The following DLGAP2 variants were observed in gnomAD, a reference collection of about 807,000 sequenced individuals.
DLGAP2 encodes the protein DLG associated protein 2.
Under a neutral mutation model 100.3 loss-of-function variants are expected in DLGAP2, and 26 were observed. That is an observed-to-expected ratio of 0.26 (90% CI 0.19 to 0.36). The LOEUF is 0.36. DLGAP2 is among the 10% of genes least tolerant of loss of function. The pLI, the probability that DLGAP2 is intolerant of heterozygous loss-of-function variation, is 1.00. For missense variants in DLGAP2, 1,858 were observed against 1,453.2 expected, an observed-to-expected ratio of 1.28 and a Z score of -4.53; for synonymous variants, 886 against 630.1, an observed-to-expected ratio of 1.41 and a Z score of -6.08.
rs57254413 is a variant in DLGAP2 at position 1,090,866 on chromosome 8, C to T, written c.74-167985C>T. The stretch of plus-strand genomic sequence containing the variant: ...TTTTGTCCAAAAGTCTGTTTAGACT[C>T]ACATGAAAATCATTTTCTATAATTT... On this transcript the variant is annotated intron_variant, in intron 2 of 14. Coordinates refer to ENST00000637795, the MANE Select transcript of DLGAP2 (RefSeq NM_001346810.2). 5.3e-4 allele frequency among the ~76,000 whole-genome samples: 81 copies of T among 152,330 alleles called. No homozygotes were observed. The East Asian group carries it at 0.014, about 27-fold the overall frequency.
chr8:1,308,248 T>C (rs1448991909), intron 3 of DLGAP2, among the ~76,000 whole-genome samples: 2 of 152,196 alleles, frequency 1.3e-5, no homozygotes, highest in South Asian at 2.1e-4. Flanking sequence ...TGGCATTTAA[T>C]GAGATATCTG....
rs143742629 is a variant in DLGAP2, at chr8:828,394, A to G, written c.19-79518A>G. 4.7e-3 allele frequency among the ~76,000 whole-genome samples: 718 copies of G among 152,314 alleles called. 26 individuals carry two copies. In the East Asian group the frequency reaches 0.083, roughly 18 times the overall value. Reference sequence around the variant, plus strand: ...TCTCAGGGACCTTCCATGCTGAGAAAAGGAATTCAGCGATATTTCTCCCAT... The same window carrying G: ...TCTCAGGGACCTTCCATGCTGAGAAGAGGAATTCAGCGATATTTCTCCCAT... On this transcript the variant is annotated intron_variant, in intron 1 of 14. Transcript: ENST00000637795.
chr8:1,442,882 G>A (rs1210716083), intron 3 of DLGAP2, among the ~76,000 whole-genome samples: 2 of 152,276 alleles, frequency 1.3e-5, no homozygotes, highest in Non-Finnish European at 2.9e-5. Context: ...TAAACCACAG[G>A]ATCCTGAGTC....
chr8:1,360,052 C>T (rs1801944629), intron 3 of DLGAP2, among the ~76,000 whole-genome samples: 1 of 152,180 alleles, frequency 6.6e-6, no homozygotes, highest in Non-Finnish European at 1.5e-5. Flanking sequence ...CACTTTCCGC[C>T]TCTTCATCCC....
At chr8:840,811 C>T (rs1343730904) in intron 1 of DLGAP2, among the ~76,000 whole-genome samples, 1 of 152,214 alleles carries the variant, frequency 6.6e-6, no homozygotes, top group African/African-American at 2.4e-5. Context: ...TCCCCACACT[C>T]TCGATTCTGT....
chr8:1,366,919 C>A lies in DLGAP2; in HGVS notation c.106+108036C>A, dbSNP rs562774982. Among the ~76,000 whole-genome samples the A allele has an allele frequency of 6.6e-5, 10 of 152,256 alleles. No homozygotes were observed. In the Middle Eastern group the frequency reaches 0.017, roughly 259 times the overall value. On this transcript the variant is annotated intron_variant, in intron 3 of 14. Coordinates refer to ENST00000637795, the MANE Select transcript of DLGAP2 (RefSeq NM_001346810.2). ...CAACACACATGCATGTGACCACAGA[C>A]CCCGGTAAATAACACTGTTAGCATT... is the stretch of plus-strand genomic sequence containing the variant.
intron 3 of DLGAP2, among the ~76,000 whole-genome samples, chr8:1,457,672 C>T (rs758475441): frequency 7.2e-5 from 11 of 151,888 alleles, no homozygotes; most frequent in Non-Finnish European, 1.5e-4. Context: ...TGTTAATTGC[C>T]ATATTTCTCT....
At chr8:763,125 T>G (rs1410897994) in intron 1 of DLGAP2, among the ~76,000 whole-genome samples, 1 of 149,596 alleles carries the variant, frequency 6.7e-6, no homozygotes, top group African/African-American at 2.5e-5. Context: ...ATCTGGTGGG[T>G]TTAGGAGTGC....
At chr8:1,110,043 AGT>A (rs1465650577) in intron 2 of DLGAP2, among the ~76,000 whole-genome samples, 4 of 99,152 alleles carry the variant, frequency 4.0e-5, no homozygotes, top group Non-Finnish European at 7.8e-5. Flanking sequence ...GTGCCTATGA[AGT>A]GTGCTGGGTC....
chr8:1,491,113 T>A (rs1799371049), intron 3 of DLGAP2, among the ~76,000 whole-genome samples: 1 of 94,162 alleles, frequency 1.1e-5, no homozygotes, highest in Admixed American at 1.1e-4. Context: ...AAATCACTTT[T>A]CATGAACAGA....
chr8:1,418,179 C>G (rs367767546), intron 3 of DLGAP2, among the ~76,000 whole-genome samples: 1 of 152,176 alleles, frequency 6.6e-6, no homozygotes, highest in Non-Finnish European at 1.5e-5. Context: ...TTTCAAAGAC[C>G]TTGATCTTGG....
At chr8:1,292,603 A>G (rs1800083810) in intron 3 of DLGAP2, among the ~76,000 whole-genome samples, 2 of 152,162 alleles carry the variant, frequency 1.3e-5, no homozygotes, top group South Asian at 4.1e-4. Context: ...AATATTTTTG[A>G]AAGTAGGTTG....
intron 2 of DLGAP2, among the ~76,000 whole-genome samples, chr8:1,246,001 T>C (rs991874465): frequency 2.6e-5 from 4 of 152,188 alleles, no homozygotes; most frequent in African/African-American, 9.7e-5. Flanking sequence ...AAGAACTCTT[T>C]CTACTTCTAC....
At chr8:893,327 C>T (rs1238557408) in intron 1 of DLGAP2, among the ~76,000 whole-genome samples, 1 of 152,196 alleles carries the variant, frequency 6.6e-6, no homozygotes, top group Non-Finnish European at 1.5e-5. Flanking sequence ...CGGTGGAAGA[C>T]CCTGAACTGC....
At chr8:1,337,861 A>T (rs1428680921) in intron 3 of DLGAP2, among the ~76,000 whole-genome samples, 1 of 152,252 alleles carries the variant, frequency 6.6e-6, no homozygotes. Flanking sequence ...AGACCAGTCA[A>T]ATTAAAAATG....
intron 3 of DLGAP2, among the ~76,000 whole-genome samples, chr8:1,282,017 AC>A (rs1799824422): frequency 6.8e-6 from 1 of 147,378 alleles, no homozygotes; most frequent in Non-Finnish European, 1.5e-5. Context: ...ACATGGTGTG[AC>A]CTGAACCCAG....
chr8:1,266,229 T>G (rs1379419684), intron 3 of DLGAP2, among the ~76,000 whole-genome samples: 2 of 152,230 alleles, frequency 1.3e-5, no homozygotes, highest in Admixed American at 1.3e-4. Context: ...AAGTTTAATT[T>G]TTTGCTTGAC....
intron 1 of DLGAP2, among the ~76,000 whole-genome samples, chr8:890,118 TG>T (rs1405377724): frequency 3.3e-4 from 50 of 152,300 alleles, no homozygotes; most frequent in Admixed American, 2.6e-3. Flanking sequence ...ATACCTTGGC[TG>T]CCGGTGAAGG....
chr8:1,470,098 G>A (rs1282197659), intron 3 of DLGAP2, among the ~76,000 whole-genome samples: 4 of 152,136 alleles, frequency 2.6e-5, no homozygotes, highest in Non-Finnish European at 5.9e-5. Context: ...GGAGGTCAAG[G>A]CTGCAATGAG....
Sources: gnomAD v4.1 joint callset for allele counts (sites outside exome capture counted in the v4.1 genomes callset) on GRCh38, gnomAD v4.1.1 for gene constraint, MANE v1.5 for transcripts, NCBI Gene and HGNC (gene_info 2026-07-23, HGNC 2026-07-21) for gene names.